ST3GAL2: variants seen among roughly 807,000 people sequenced by gnomAD.
ST3GAL2 encodes the protein CMP-N-acetylneuraminate-beta-galactosamide-alpha-2,3-sialyltransferase 2.
Under a neutral mutation model 37.5 loss-of-function variants are expected in ST3GAL2, and 16 were observed. That is an observed-to-expected ratio of 0.43 (90% CI 0.29 to 0.65). ST3GAL2 has a LOEUF of 0.65. ST3GAL2 is among the 30% of genes least tolerant of loss of function. The probability of loss-of-function intolerance (pLI) is 0.17; values close to 1 mark genes in which losing one functional copy is unlikely to be tolerated. For synonymous variants in ST3GAL2, 238 were observed against 202.9 expected, an observed-to-expected ratio of 1.17 and a Z score of -1.47; for missense variants, 383 against 487.8, an observed-to-expected ratio of 0.79 and a Z score of 2.02.
At chr16:70,411,793 G>C (rs907309002) in intron 1 of ST3GAL2, among the ~76,000 whole-genome samples, 2 of 152,040 alleles carry the variant, frequency 1.3e-5, no homozygotes, top group African/African-American at 2.4e-5. Flanking sequence ...TTGGGAGTTC[G>C]AGAGCAGCCT....
In ST3GAL2 at chr16:70,381,453, A is replaced by T. The variant is rs1369314058; in HGVS notation, c.*236T>A. The T allele has an allele frequency of 1.8e-6, 1 of 567,416 alleles. No homozygotes were observed. Among genetic ancestry groups the T allele is most frequent in the African/African-American group, 1.9e-5 (1 of 52,790 alleles). 35.1% of individuals were successfully genotyped at this position (567,416 alleles called of 1,614,324 possible). The stretch of plus-strand genomic sequence containing the variant: ...AAGGCCATTGATTGGAGGAGACTGG[A>T]CACAGCGCCGGAAGTTTTCCTTGAG... On this transcript the variant is annotated 3_prime_UTR_variant, in exon 7 of 7. Transcript: ENST00000342907.
Position 70,383,245 on chromosome 16 carries a change from A to G in ST3GAL2, c.714-10T>C, listed in dbSNP as rs766312295. On this transcript the variant is annotated splice_polypyrimidine_tract_variant and intron_variant, in intron 4 of 6. Coordinates refer to ENST00000342907, the MANE Select transcript of ST3GAL2 (RefSeq NM_006927.4). ...CACTGGGGCGTAGGTGCTGTAAGCA[A>G]AAAGAAAGAAAGATAACATTTCAGG... 1 of 1,600,346 alleles carries G rather than the reference A, an allele frequency of 6.2e-7. No individual in the cohort carries two copies. Among genetic ancestry groups the G allele is most frequent in the Non-Finnish European group, 8.5e-7 (1 of 1,176,670 alleles).
intron 1 of ST3GAL2, among the ~76,000 whole-genome samples, chr16:70,425,262 GATC>G (rs1256285235): frequency 6.6e-6 from 1 of 152,204 alleles, no homozygotes; most frequent in Non-Finnish European, 1.5e-5. Context: ...AGGAGTTCAA[GATC>G]AGCCTGGTCA....
rs2047395140 is a variant in ST3GAL2, at chr16:70,380,750, G to A, written c.*939C>T. On this transcript the variant is annotated 3_prime_UTR_variant, in exon 7 of 7. Transcript: ENST00000342907. ...ACCCCCAGGCAAGAGGCGATGGGTG[G>A]AGGAGGAGGTACATGCAGCGGGCAG... The A allele has an allele frequency of 6.5e-6, 1 of 152,858 alleles. No homozygotes were observed. Among genetic ancestry groups the A allele is most frequent in the Non-Finnish European group, 1.5e-5 (1 of 68,560 alleles). The allele number at this position is 152,858 out of a possible 1,614,324, so 9.5% of individuals were successfully genotyped here. A position where few individuals can be genotyped will look rare whatever the true frequency, so the allele number is the denominator to read the frequency against.
In ST3GAL2 at chr16:70,377,195, A is replaced by AG. The variant is rs1555555642; in HGVS notation, c.*4493_*4494insC. 5 of 150,118 alleles carry AG rather than the reference A, an allele frequency of 3.3e-5. No individual in the cohort carries two copies. The East Asian group carries it at 9.7e-4, about 29-fold the overall frequency. The allele number at this position is 150,118 out of a possible 1,614,324, so 9.3% of individuals were successfully genotyped here. A position where few individuals can be genotyped will look rare whatever the true frequency, so the allele number is the denominator to read the frequency against. ...CTGTCTCTTAAAAAAAAAAAAAAAAAAAAAAAAAGGGTCTGGTGGCTCACG... is the reference window on the plus strand; with the variant it reads ...CTGTCTCTTAAAAAAAAAAAAAAAAAGAAAAAAAAGGGTCTGGTGGCTCACG... On this transcript the variant is annotated 3_prime_UTR_variant, in exon 7 of 7. Coordinates refer to ENST00000342907, the MANE Select transcript of ST3GAL2 (RefSeq NM_006927.4).
chr16:70,395,883 G>A (rs549033044), intron 2 of ST3GAL2, among the ~76,000 whole-genome samples: 2 of 152,232 alleles, frequency 1.3e-5, no homozygotes, highest in African/African-American at 4.8e-5. Flanking sequence ...TGCCACGTGG[G>A]ATCATGAGCC....
intron 6 of ST3GAL2, 107 bp from the exon 7 acceptor site, chr16:70,381,969 T>C (rs992047453): frequency 2.1e-6 from 3 of 1,441,196 alleles, no homozygotes; most frequent in African/African-American, 2.8e-5. Flanking sequence ...CCCGGGGAGA[T>C]GCAGGAGCCC....
intron 3 of ST3GAL2, among the ~76,000 whole-genome samples, chr16:70,393,426 A>G (rs1272293474): frequency 6.6e-6 from 1 of 152,166 alleles, no homozygotes; most frequent in Non-Finnish European, 1.5e-5. Context: ...CGGCCAGATG[A>G]CTTAGAGGCA....
At chr16:70,382,999 T>A in intron 5 of ST3GAL2, 75 bp from the exon 6 acceptor site, 1 of 1,591,138 alleles carries the variant, frequency 6.3e-7, no homozygotes, top group Non-Finnish European at 8.6e-7. Flanking sequence ...CAGCTTCTAC[T>A]TGTCTATGCC....
chr16:70,432,272 T>C (rs920162827), intron 1 of ST3GAL2, among the ~76,000 whole-genome samples: 3 of 152,096 alleles, frequency 2.0e-5, no homozygotes, highest in Non-Finnish European at 4.4e-5. Flanking sequence ...AGCAAACATA[T>C]TTGAATTGAG....
At chr16:70,406,365 G>A (rs751267307) in intron 1 of ST3GAL2, among the ~76,000 whole-genome samples, 30 of 152,052 alleles carry the variant, frequency 2.0e-4, no homozygotes, top group African/African-American at 2.4e-4. Flanking sequence ...AAAATTAGCC[G>A]GGGGGTGGTG....
intron 1 of ST3GAL2, among the ~76,000 whole-genome samples, chr16:70,431,401 T>C (rs1287977643): frequency 6.6e-6 from 1 of 152,170 alleles, no homozygotes; most frequent in Non-Finnish European, 1.5e-5. Flanking sequence ...AGCAGGTCCT[T>C]GGGTCATGCC....
At chr16:70,395,850 G>A (rs1055347078) in intron 2 of ST3GAL2, among the ~76,000 whole-genome samples, 1 of 152,210 alleles carries the variant, frequency 6.6e-6, no homozygotes, top group Non-Finnish European at 1.5e-5. Flanking sequence ...CCCCGGCAAA[G>A]AGAGGCAACT....
rs375144390 is a variant in ST3GAL2, at chr16:70,381,894, G to A, written c.880-32C>T. ...GGAAGCGCAGCGGAGCGTCACCCCAGGCGGGGACCTGGAGGATGGCGCGGG... is the reference window on the plus strand; with the variant it reads ...GGAAGCGCAGCGGAGCGTCACCCCAAGCGGGGACCTGGAGGATGGCGCGGG... On this transcript the variant is annotated intron_variant, in intron 6 of 6. Coordinates refer to ENST00000342907, the MANE Select transcript of ST3GAL2 (RefSeq NM_006927.4). 47 of 1,610,104 alleles carry A rather than the reference G, an allele frequency of 2.9e-5. No individual in the cohort carries two copies. The African/African-American group carries it at 5.2e-4, about 18-fold the overall frequency.
At chr16:70,411,177 G>A (rs2047635750) in intron 1 of ST3GAL2, among the ~76,000 whole-genome samples, 1 of 152,052 alleles carries the variant, frequency 6.6e-6, no homozygotes, top group Non-Finnish European at 1.5e-5. Context: ...CTGAGGTCAG[G>A]AGTTCGAGAC....
At chr16:70,406,807 G>A (rs1029192469) in intron 1 of ST3GAL2, among the ~76,000 whole-genome samples, 1 of 151,996 alleles carries the variant, frequency 6.6e-6, no homozygotes, top group Non-Finnish European at 1.5e-5. Context: ...TGGGATGTAA[G>A]AGAGTGGAAT....
intron 1 of ST3GAL2, among the ~76,000 whole-genome samples, chr16:70,424,075 C>T (rs935650979): frequency 3.6e-4 from 55 of 150,966 alleles, no homozygotes; most frequent in Middle Eastern, 6.3e-3. Flanking sequence ...CAAAACAAAA[C>T]AAAACAAAAA....
chr16:70,388,956 TC>T (rs1377742113), intron 3 of ST3GAL2, among the ~76,000 whole-genome samples: 2 of 146,262 alleles, frequency 1.4e-5, no homozygotes, highest in Non-Finnish European at 3.0e-5. Flanking sequence ...GTACCTGTAA[TC>T]CCAGCAACCT....
intron 6 of ST3GAL2, 107 bp downstream of exon 6, chr16:70,382,698 G>C: frequency 2.0e-6 from 3 of 1,534,908 alleles, no homozygotes; most frequent in Non-Finnish European, 2.7e-6. Flanking sequence ...AGGCCACATG[G>C]ATTCTGCCTA....
Sources: gnomAD v4.1 joint callset for allele counts (sites outside exome capture counted in the v4.1 genomes callset) on GRCh38, gnomAD v4.1.1 for gene constraint, MANE v1.5 for transcripts, NCBI Gene and HGNC (gene_info 2026-07-23, HGNC 2026-07-21) for gene names.